NELL2: variants seen among roughly 807,000 people sequenced by gnomAD.
The protein encoded by NELL2 is neural EGFL like 2, also known as protein kinase C-binding protein NELL2.
In NELL2, 41 loss-of-function variants were observed where a neutral mutation model predicts 109.6. The observed-to-expected ratio is 0.37, with a 90% CI of 0.29 to 0.49. NELL2 has a LOEUF of 0.49. NELL2 is among the 20% of genes least tolerant of loss of function. The pLI is 0.98. For missense variants in NELL2, 900 were observed against 1,008.3 expected (o/e 0.89, Z 1.45); for synonymous variants, 355 against 344.7 (o/e 1.03, Z -0.33).
intron 12 of NELL2, among the ~76,000 whole-genome samples, chr12:44,692,544 C>T (rs1948934609): frequency 6.6e-6 from 1 of 152,006 alleles, no homozygotes; most frequent in Admixed American, 6.6e-5. Context: ...ACTATAGCTG[C>T]CATAGATAGT....
intron 5 of NELL2, among the ~76,000 whole-genome samples, chr12:44,779,225 CAT>C (rs1941864528): frequency 6.6e-6 from 1 of 152,184 alleles, no homozygotes; most frequent in East Asian, 1.9e-4. Context: ...GATTTGTGCA[CAT>C]ATGTGTATTC....
chr12:44,667,599 GT>G (rs1947970060), intron 12 of NELL2, among the ~76,000 whole-genome samples: 1 of 152,194 alleles, frequency 6.6e-6, no homozygotes, highest in African/African-American at 2.4e-5. Flanking sequence ...GATTCAAGAT[GT>G]TTACTAGAGG....
chr12:44,523,179 G>T, intron 17 of NELL2, 112 bp downstream of exon 17: 1 of 994,038 alleles, frequency 1.0e-6, no homozygotes, highest in Non-Finnish European at 1.5e-6. Context: ...TAATTGTGAT[G>T]GTAGGTAAGT....
chr12:44,847,329 C>T (rs142570338), intron 2 of NELL2, among the ~76,000 whole-genome samples: 6 of 152,276 alleles, frequency 3.9e-5, no homozygotes, highest in African/African-American at 1.2e-4. Context: ...ATCCTATCTT[C>T]GAAACCAATC....
At chr12:44,756,404 T>C (rs771186817) in intron 9 of NELL2, among the ~76,000 whole-genome samples, 1 of 151,962 alleles carries the variant, frequency 6.6e-6, no homozygotes, top group Non-Finnish European at 1.5e-5. Flanking sequence ...CTTCCCATCT[T>C]AAAAAATTAA....
chr12:44,663,087 A>C (rs73098383), intron 13 of NELL2, among the ~76,000 whole-genome samples: 29,477 of 152,040 alleles, frequency 0.19, 3,063 homozygotes, highest in African/African-American at 0.28. Context: ...AGGATAGAAG[A>C]CTTTGGTCAC....
intron 2 of NELL2, among the ~76,000 whole-genome samples, chr12:44,871,195 C>T (rs1218370828): frequency 6.6e-6 from 1 of 152,086 alleles, no homozygotes; most frequent in Non-Finnish European, 1.5e-5. Context: ...GACTATTCTT[C>T]AAAGATGGTT....
At chr12:44,518,075 CAAG>C (rs1294467768) in intron 19 of NELL2, among the ~76,000 whole-genome samples, 3 of 151,870 alleles carry the variant, frequency 2.0e-5, no homozygotes, top group Non-Finnish European at 4.4e-5. Flanking sequence ...TATTTAATAA[CAAG>C]AGATAAAGAA....
At chr12:44,844,547 G>A (rs1444852017) in intron 2 of NELL2, among the ~76,000 whole-genome samples, 1 of 152,160 alleles carries the variant, frequency 6.6e-6, no homozygotes, top group Non-Finnish European at 1.5e-5. Flanking sequence ...AAGGAGGAGT[G>A]GCAGGGTCAC....
chr12:44,617,106 T>G (rs1357004398), intron 13 of NELL2, among the ~76,000 whole-genome samples: 1 of 152,110 alleles, frequency 6.6e-6, no homozygotes, highest in African/African-American at 2.4e-5. Context: ...TTCCTTCCCT[T>G]TCAAGTCTGG....
chr12:44,747,770 C>G (rs1448322372), intron 9 of NELL2, among the ~76,000 whole-genome samples: 1 of 152,120 alleles, frequency 6.6e-6, no homozygotes, highest in African/African-American at 2.4e-5. Context: ...TGCTGCGCTT[C>G]TGGTGTTCCA....
chr12:44,583,050 G>A (rs1592154548), intron 15 of NELL2, among the ~76,000 whole-genome samples: 1 of 152,200 alleles, frequency 6.6e-6, no homozygotes, highest in South Asian at 2.1e-4. Flanking sequence ...CCCAGCTTCC[G>A]GAACGGTAAG....
chr12:44,634,209 C>T (rs1946555600), intron 13 of NELL2, among the ~76,000 whole-genome samples: 1 of 151,988 alleles, frequency 6.6e-6, no homozygotes, highest in South Asian at 2.1e-4. Flanking sequence ...TTCTGGGACA[C>T]ATGTGCAGAA....
intron 1 of NELL2, among the ~76,000 whole-genome samples, chr12:44,896,616 T>C (rs1945595831): frequency 6.6e-6 from 1 of 152,196 alleles, no homozygotes. Context: ...AATATGTAAT[T>C]GATTTTATAA....
At chr12:44,865,958 T>C (rs1944987845) in intron 2 of NELL2, among the ~76,000 whole-genome samples, 1 of 152,164 alleles carries the variant, frequency 6.6e-6, no homozygotes, top group African/African-American at 2.4e-5. Flanking sequence ...TAATGCATAA[T>C]GTGATATTAT....
At chr12:44,840,059 A>G (rs1944176706) in intron 2 of NELL2, among the ~76,000 whole-genome samples, 1 of 152,220 alleles carries the variant, frequency 6.6e-6, no homozygotes, top group Admixed American at 6.5e-5. Context: ...CTCCAAATGC[A>G]TCAAGTTCTT....
chr12:44,875,212 A>ACG lies in NELL2; in HGVS notation c.184+11_184+12dup. Reference sequence around the variant, plus strand: ...ACTGAAATCACAGTGGGGATGCAGCACGCCGGGCATACCTTGAAAGAGAAA... The same window carrying ACG: ...ACTGAAATCACAGTGGGGATGCAGCACGCGCCGGGCATACCTTGAAAGAGAAA... On this transcript the variant is annotated intron_variant, in intron 2 of 19. Coordinates refer to ENST00000429094, the MANE Select transcript of NELL2 (RefSeq NM_001145108.2). The ACG allele has an allele frequency of 1.9e-6, 3 of 1,605,120 alleles. No homozygotes were observed. Among genetic ancestry groups the ACG allele is most frequent in the Non-Finnish European group, 2.6e-6 (3 of 1,173,726 alleles).
At chr12:44,742,211 G>C (rs1024844466) in intron 9 of NELL2, among the ~76,000 whole-genome samples, 2 of 152,158 alleles carry the variant, frequency 1.3e-5, no homozygotes. Context: ...GTCTGGAGTA[G>C]ACCTCTAGCA....
intron 9 of NELL2, among the ~76,000 whole-genome samples, chr12:44,729,253 A>T (rs73285405): frequency 1.3e-5 from 2 of 152,052 alleles, no homozygotes; most frequent in South Asian, 2.1e-4. Context: ...GTAAATAGGT[A>T]TATGGAAATA....
Sources: gnomAD v4.1 joint callset for allele counts (sites outside exome capture counted in the v4.1 genomes callset) on GRCh38, gnomAD v4.1.1 for gene constraint, MANE v1.5 for transcripts, NCBI Gene and HGNC (gene_info 2026-07-23, HGNC 2026-07-21) for gene names.